The following RUVBL1 variants were observed in gnomAD, a reference collection of about 807,000 sequenced individuals.
RUVBL1 encodes the protein RuvB like AAA ATPase 1, also known as ruvB-like 1.
A neutral mutation model predicts 52.4 loss-of-function variants in RUVBL1; 4 were observed. The observed-to-expected ratio is 0.08, with a 90% confidence interval of 0.04 to 0.17. RUVBL1 has a LOEUF of 0.17. Ranked by LOEUF, RUVBL1 falls within the 10% of genes least tolerant of loss-of-function variation. The probability of loss-of-function intolerance (pLI) is 1.00; values close to 1 mark genes in which losing one functional copy is unlikely to be tolerated. For missense variants in RUVBL1, 298 were observed against 572.8 expected (o/e 0.52, Z 4.90); for synonymous variants, 217 against 214.4 (o/e 1.01, Z -0.10).
intron 1 of RUVBL1, among the ~76,000 whole-genome samples, chr3:128,147,906 C>G (rs573380773): frequency 6.6e-6 from 1 of 152,334 alleles, no homozygotes; most frequent in Non-Finnish European, 1.5e-5. Flanking sequence ...GAATACTACA[C>G]AGTGATAAAA....
At chr3:128,108,293 T>C (rs1943295974) in intron 3 of RUVBL1, among the ~76,000 whole-genome samples, 1 of 152,150 alleles carries the variant, frequency 6.6e-6, no homozygotes, top group Admixed American at 6.5e-5. Context: ...GCCTTTTTAT[T>C]CTCTGGTAGG....
chr3:128,065,051 C>G (rs770409214), exon 10 of RUVBL1: 1 of 1,613,796 alleles, frequency 6.2e-7, no homozygotes, highest in East Asian at 2.2e-5. Flanking sequence ...TGTCCAGATC[C>G]AACCCCAGGG....
At position 128,119,364 on chromosome 3, in the gene RUVBL1, T is replaced by G; in HGVS notation, c.192A>C (p.Arg64Ser). Reference sequence around the variant, plus strand: ...CAGGAGGTCCTGCCAACAAGACAGCTCTTCCAGCCATTTTCTTGCTTTTGA... The same window carrying G: ...CAGGAGGTCCTGCCAACAAGACAGCGCTTCCAGCCATTTTCTTGCTTTTGA... ...ELIKSKKMAG[R>S]AVLLAGPPGT... The change falls in exon 2 of 11, where the codon AGA (arginine) becomes AGC (serine). Residue 64 changes from arginine to serine, a missense_variant. By Grantham distance (110) the Arg-to-Ser change is moderately radical. Transcript: ENST00000322623. The G allele has an allele frequency of 6.2e-7, 1 of 1,614,080 alleles. No individual in the cohort carries two copies. The highest frequency in any genetic ancestry group is 8.5e-7 in the Non-Finnish European group (1 of 1,179,996).
chr3:128,118,589 G>T (rs1221490007), intron 2 of RUVBL1, among the ~76,000 whole-genome samples: 1 of 119,272 alleles, frequency 8.4e-6, no homozygotes, highest in Non-Finnish European at 2.0e-5. Flanking sequence ...GAACTCTGGT[G>T]AGTTTCAAGT....
chr3:128,112,172 CA>C (rs573833666), intron 3 of RUVBL1, among the ~76,000 whole-genome samples: 68 of 152,122 alleles, frequency 4.5e-4, no homozygotes, highest in Non-Finnish European at 9.7e-4. Flanking sequence ...TAGCAAAAAG[CA>C]AAAATTCGAA....
chr3:128,152,993 GC>G (rs1196824244), intron 1 of RUVBL1, among the ~76,000 whole-genome samples: 1,282 of 24,112 alleles, frequency 0.053, 91 homozygotes, highest in South Asian at 0.083. Context: ...CGCCCACCCC[GC>G]CCCCCCCGCC....
intron 1 of RUVBL1, among the ~76,000 whole-genome samples, chr3:128,148,789 A>G (rs1162008030): frequency 1.3e-5 from 2 of 152,214 alleles, no homozygotes; most frequent in Non-Finnish European, 2.9e-5. Flanking sequence ...TGCTACACAC[A>G]CTAGTGTGCA....
chr3:128,152,406 C>CTCAGCAACTCCTAGATG (rs1337053628), intron 1 of RUVBL1, among the ~76,000 whole-genome samples: 1 of 152,194 alleles, frequency 6.6e-6, no homozygotes, highest in Non-Finnish European at 1.5e-5. Flanking sequence ...GGAGTTTCAA[C>CTCAGCAACTCCTAGATG]TCAAACAGCA....
chr3:128,097,458 G>A lies in RUVBL1; in HGVS notation c.858C>T (p.Tyr286=), dbSNP rs1444244114. The A allele has an allele frequency of 1.2e-6, 2 of 1,614,208 alleles. No individual in the cohort carries two copies. The highest frequency in any genetic ancestry group is 1.7e-6 in the Non-Finnish European group (2 of 1,180,050). Residue 286 remains tyrosine (Y), a synonymous_variant, in exon 8 of 11, where the codon TAC becomes TAT. Transcript: ENST00000322623. Reference sequence around the variant, plus strand: ...CCAGCTCAGCAATGCCCTGGTCGATGTACTTGTTCACCACCTTATTAATCT... The same window carrying A: ...CCAGCTCAGCAATGCCCTGGTCGATATACTTGTTCACCACCTTATTAATCT... ...RGEINKVVNK[Y]IDQGIAELVP... is the part of the protein sequence containing the mutation.
chr3:128,077,605 C>T (rs1942371500), downstream of RUVBL1, among the ~76,000 whole-genome samples: 1 of 152,232 alleles, frequency 6.6e-6, no homozygotes, highest in Non-Finnish European at 1.5e-5. Context: ...CTGAGCCTCA[C>T]CCAGGATGGG....
chr3:128,136,161 T>A (rs1943944442), intron 1 of RUVBL1, among the ~76,000 whole-genome samples: 7 of 125,052 alleles, frequency 5.6e-5, no homozygotes, highest in East Asian at 2.3e-4. Flanking sequence ...CCAGAGAAAA[T>A]CACCATCACA....
intron 1 of RUVBL1, 66 bp downstream of exon 1, chr3:128,123,518 T>G: frequency 6.8e-7 from 1 of 1,464,566 alleles, no homozygotes; most frequent in Non-Finnish European, 9.1e-7. Context: ...AGCCACCGAC[T>G]TCAGCAGCTC....
intron 1 of RUVBL1, among the ~76,000 whole-genome samples, chr3:128,150,007 T>C (rs945133980): frequency 9.2e-5 from 14 of 152,260 alleles, no homozygotes; most frequent in African/African-American, 3.1e-4. Flanking sequence ...AGGTTGCTGC[T>C]GTCTCTGAGC....
At chr3:128,075,723 A>T (rs1385012654) in intron 9 of RUVBL1, 2 of 152,060 alleles carry the variant, frequency 1.3e-5, no homozygotes, top group Non-Finnish European at 2.9e-5. Flanking sequence ...TGGGCCCGAA[A>T]CGCCACGGGC....
At chr3:128,110,449 G>A (rs909518350) in intron 3 of RUVBL1, among the ~76,000 whole-genome samples, 3 of 152,170 alleles carry the variant, frequency 2.0e-5, no homozygotes, top group African/African-American at 7.2e-5. Context: ...CTGGGCAACA[G>A]AGTGAGACCA....
chr3:128,098,734 G>C, intron 7 of RUVBL1, 148 bp downstream of exon 7: 1 of 680,942 alleles, frequency 1.5e-6, no homozygotes, highest in Non-Finnish European at 2.6e-6. Context: ...AGAAACTTAG[G>C]CTAGAGTCAA....
intron 9 of RUVBL1, chr3:128,066,889 T>C: frequency 6.5e-7 from 1 of 1,529,648 alleles, no homozygotes; most frequent in Non-Finnish European, 9.0e-7. Context: ...CCGGCCGGGC[T>C]GTGTTTCTGT....
At chr3:128,083,200 G>A (rs1158458835) in intron 9 of RUVBL1, 1 of 153,034 alleles carries the variant, frequency 6.5e-6, no homozygotes. Context: ...TAACACGGTG[G>A]ACCAGGATCC....
downstream of RUVBL1, among the ~76,000 whole-genome samples, chr3:128,077,019 C>A (rs983495258): frequency 2.0e-5 from 3 of 151,746 alleles, no homozygotes; most frequent in Non-Finnish European, 3.0e-5. Flanking sequence ...CGCCCATCGG[C>A]CCATCTTATC....
Sources: gnomAD v4.1 joint callset for allele counts (sites outside exome capture counted in the v4.1 genomes callset) on GRCh38, gnomAD v4.1.1 for gene constraint, MANE v1.5 for transcripts, NCBI Gene and HGNC (gene_info 2026-07-23, HGNC 2026-07-21) for gene names.